WDTC1: variants seen among roughly 807,000 people sequenced by gnomAD.
The protein encoded by WDTC1 is WD and tetratricopeptide repeats 1, also known as WD and tetratricopeptide repeats protein 1.
WDTC1 carries 12 observed loss-of-function variants against 76.0 expected under a neutral mutation model. The ratio of observed to expected loss-of-function variants is 0.16; its 90% CI spans 0.10 to 0.26. The LOEUF is 0.26. Ranked by LOEUF, WDTC1 falls within the 10% of genes least tolerant of loss-of-function variation. WDTC1 has a pLI of 1.00. For missense variants in WDTC1, 511 were observed against 908.8 expected (o/e 0.56, Z 5.63); for synonymous variants, 326 against 350.8 (o/e 0.93, Z 0.79).
Position 27,260,455 on chromosome 1 carries a change from G to A in WDTC1, c.-99-501G>A, listed in dbSNP as rs183608631. On this transcript the variant is annotated intron_variant, in intron 1 of 15. Transcript: ENST00000319394. Reference sequence around the variant, plus strand: ...CTTTATTAGGTTGGGTCTTGGACACGGTCACCATTACATTTCCTTTACACT... The same window carrying A: ...CTTTATTAGGTTGGGTCTTGGACACAGTCACCATTACATTTCCTTTACACT... 1.1e-4 allele frequency among the ~76,000 whole-genome samples: 16 copies of A among 152,252 alleles called. No individual in the cohort carries two copies. The East Asian group carries it at 2.7e-3, about 26-fold the overall frequency.
chr1:27,281,625 G>T (rs1274364720), intron 3 of WDTC1, among the ~76,000 whole-genome samples: 1 of 151,986 alleles, frequency 6.6e-6, no homozygotes, highest in East Asian at 1.9e-4. Context: ...GTCTGGCTCT[G>T]TCGCCCAGGC....
At position 27,306,473 on chromosome 1, in the gene WDTC1, C is replaced by A. The variant is rs2013958564; in HGVS notation, c.*90C>A. 7.0e-7 allele frequency: 1 copy of A among 1,419,530 alleles called. No homozygotes were observed. The highest frequency in any genetic ancestry group is 2.4e-5 in the East Asian group (1 of 41,132). The allele number at this position is 1,419,530 out of a possible 1,614,324, so 87.9% of individuals were successfully genotyped here. On this transcript the variant is annotated 3_prime_UTR_variant, in exon 16 of 16. Transcript: ENST00000319394. This position sits in a 1 kb window ranked among gnomAD's most constrained non-coding sequence, Gnocchi z 5.0. ...GGGGATTCTGTTTTGGTTTGTCTTC[C>A]CCACCACCCTTTTTTTTCATTTCCC...
At chr1:27,295,703 C>T (rs574338431) in intron 9 of WDTC1, among the ~76,000 whole-genome samples, 2 of 152,226 alleles carry the variant, frequency 1.3e-5, no homozygotes, top group South Asian at 4.1e-4. Context: ...GATCCGCCCA[C>T]CTCACCCTCC....
chr1:27,279,371 C>T lies in WDTC1; in HGVS notation c.133-2868C>T, dbSNP rs551953481. 2.5e-4 allele frequency among the ~76,000 whole-genome samples: 38 copies of T among 152,198 alleles called. No individual in the cohort carries two copies. In the South Asian group the frequency reaches 4.8e-3, roughly 19 times the overall value. ...TGGTCAACATGGCAAAACCCCATCT[C>T]CACAAAAAATACAAAAATTAACCAG... On this transcript the variant is annotated intron_variant, in intron 3 of 15. Transcript: ENST00000319394.
rs1304057627 is a variant in WDTC1, at chr1:27,292,757, CTTTTT to C, written c.662+378_662+382del. ...TTTTATTTATTTATTTATTGTTTTACTTTTTTTTTTTTTTTTTTTTTTGAGACAGA... is the reference window on the plus strand; with the variant it reads ...TTTTATTTATTTATTTATTGTTTTACTTTTTTTTTTTTTTTTTGAGACAGA... On this transcript the variant is annotated intron_variant, in intron 7 of 15. Transcript: ENST00000319394. Among the ~76,000 whole-genome samples, 4 of 113,462 alleles carry C rather than the reference CTTTTT, an allele frequency of 3.5e-5. No individual in the cohort carries two copies. The East Asian group carries it at 7.3e-4, about 21-fold the overall frequency. 74.4% of individuals were successfully genotyped at this position (113,462 alleles called of 152,430 possible).
intron 13 of WDTC1, among the ~76,000 whole-genome samples, chr1:27,302,880 C>T (rs1306078499): frequency 1.3e-5 from 2 of 152,202 alleles, no homozygotes; most frequent in Non-Finnish European, 1.5e-5. Context: ...TTACCTGTCA[C>T]TTAACTGATC....
At chr1:27,270,366 C>G (rs2012831548) in intron 3 of WDTC1, among the ~76,000 whole-genome samples, 1 of 152,084 alleles carries the variant, frequency 6.6e-6, no homozygotes, top group Admixed American at 6.6e-5. Flanking sequence ...ACTAAAATAA[C>G]AGTAATTTGG....
intron 1 of WDTC1, among the ~76,000 whole-genome samples, chr1:27,248,080 C>G (rs7524974): frequency 0.97 from 148,405 of 152,328 alleles, 72,417 homozygotes; most frequent in East Asian, 1. Flanking sequence ...CCATGTCTTG[C>G]TTATTGTGAA....
At chr1:27,258,543 A>AAG (rs2012363454) in intron 1 of WDTC1, among the ~76,000 whole-genome samples, 3 of 150,254 alleles carry the variant, frequency 2.0e-5, no homozygotes, top group South Asian at 4.2e-4. Flanking sequence ...AAAAAAAAAG[A>AAG]AAAAAAAAGA....
intron 5 of WDTC1, among the ~76,000 whole-genome samples, chr1:27,284,623 A>T (rs1334357142): frequency 6.6e-6 from 1 of 152,152 alleles, no homozygotes; most frequent in Non-Finnish European, 1.5e-5. Context: ...AGGCCTGGGG[A>T]AGGGGACCTA....
At chr1:27,258,963 G>A (rs762220723) in intron 1 of WDTC1, among the ~76,000 whole-genome samples, 7 of 152,198 alleles carry the variant, frequency 4.6e-5, no homozygotes, top group Non-Finnish European at 8.8e-5. Flanking sequence ...CTAAACTTCT[G>A]TGTGGCTTCA....
chr1:27,288,928 C>T (rs1413887391), intron 6 of WDTC1, among the ~76,000 whole-genome samples: 4 of 147,526 alleles, frequency 2.7e-5, no homozygotes, highest in South Asian at 4.4e-4. Flanking sequence ...TAGGGGTGGC[C>T]GGGCAGAGGC....
chr1:27,294,605 A>G lies in WDTC1; in HGVS notation c.849A>G (p.Leu283=), dbSNP rs1209518579. The change falls in exon 9 of 16, where the codon CTA becomes CTG. Residue 283 remains leucine, a synonymous_variant. Coordinates refer to ENST00000319394, the MANE Select transcript of WDTC1 (RefSeq NM_001276252.2). Reference sequence around the variant, plus strand: ...CCTTCAGCCCCAATGGCACAGAGCTACTAGTCAACATGGGGGGGGAACAGG... The same window carrying G: ...CCTTCAGCCCCAATGGCACAGAGCTGCTAGTCAACATGGGGGGGGAACAGG... ...YVTFSPNGTE[L]LVNMGGEQVY... 6 of 1,614,050 alleles carry G rather than the reference A, an allele frequency of 3.7e-6. No homozygotes were observed. The highest frequency in any genetic ancestry group is 1.3e-5 in the African/African-American group (1 of 75,030).
chr1:27,276,649 C>T (rs1402994304), intron 3 of WDTC1, among the ~76,000 whole-genome samples: 12 of 151,150 alleles, frequency 7.9e-5, no homozygotes, highest in African/African-American at 2.4e-4. Context: ...GCCGAGATTG[C>T]GCCACTGCAC....
At chr1:27,269,749 C>T (rs2012806718) in intron 3 of WDTC1, among the ~76,000 whole-genome samples, 1 of 150,782 alleles carries the variant, frequency 6.6e-6, no homozygotes, top group Non-Finnish European at 1.5e-5. Context: ...GTAGCTGGGA[C>T]TACAGGTGTG....
intron 1 of WDTC1, among the ~76,000 whole-genome samples, chr1:27,248,345 C>T (rs894588577): frequency 8.5e-5 from 13 of 152,172 alleles, no homozygotes; most frequent in African/African-American, 3.1e-4. Flanking sequence ...AATAGCTATC[C>T]TGACTAGTGT....
At chr1:27,290,842 A>G (rs866583591) in intron 6 of WDTC1, among the ~76,000 whole-genome samples, 3 of 152,374 alleles carry the variant, frequency 2.0e-5, no homozygotes, top group Non-Finnish European at 2.9e-5. Flanking sequence ...AACATAGTCA[A>G]GAGCAAGGCA....
At chr1:27,270,865 A>C (rs1041331458) in intron 3 of WDTC1, among the ~76,000 whole-genome samples, 1 of 152,190 alleles carries the variant, frequency 6.6e-6, no homozygotes, top group Non-Finnish European at 1.5e-5. Flanking sequence ...GTTTCTCCAT[A>C]ACTCATCAGT....
chr1:27,234,453 G>T, upstream of WDTC1: 1 of 262,936 alleles, frequency 3.8e-6, no homozygotes. Flanking sequence ...GCGGTGCGGG[G>T]CTCCCCCACT....
Sources: allele counts gnomAD v4.1 joint callset (sites outside exome capture counted in the v4.1 genomes callset), GRCh38; gene constraint gnomAD v4.1.1; non-coding constraint Gnocchi (gnomAD v3.1); transcripts MANE v1.5; gene names NCBI Gene and HGNC (gene_info 2026-07-23, HGNC 2026-07-21).